The following SNTG2 variants were observed in gnomAD, a reference collection of about 807,000 sequenced individuals.
The protein encoded by SNTG2 is syntrophin gamma 2.
A neutral mutation model predicts 70.9 loss-of-function variants in SNTG2; 74 were observed. The observed-to-expected ratio is 1.04, with a 90% CI of 0.86 to 1.27. SNTG2 has a LOEUF of 1.27. SNTG2 is among the 50% of genes most tolerant of loss of function. The pLI is 0.00. For synonymous variants in SNTG2, 278 were observed against 273.8 expected, an observed-to-expected ratio of 1.02 and a Z score of -0.15; for missense variants, 717 against 690.7, an observed-to-expected ratio of 1.04 and a Z score of -0.43.
chr2:1,297,685 C>T (rs934284296), intron 14 of SNTG2, among the ~76,000 whole-genome samples: 8 of 152,204 alleles, frequency 5.3e-5, no homozygotes, highest in African/African-American at 1.9e-4. Context: ...CAGCCTTTCC[C>T]TGGAAGCATC....
At chr2:1,182,360 CAAAAAAAA>C (rs10587246) in intron 8 of SNTG2, among the ~76,000 whole-genome samples, 1 of 122,058 alleles carries the variant, frequency 8.2e-6, no homozygotes, top group African/African-American at 3.3e-5. Flanking sequence ...TTAAAAATTT[CAAAAAAAA>C]AAAAAAAAAA....
At position 1,018,213 on chromosome 2, in the gene SNTG2, G is replaced by C. The variant is rs537522298; in HGVS notation, c.73-65305G>C. 8.5e-5 allele frequency among the ~76,000 whole-genome samples: 13 copies of C among 152,308 alleles called. No homozygotes were observed. The South Asian group carries it at 1.2e-3, about 15-fold the overall frequency. On this transcript the variant is annotated intron_variant, in intron 1 of 16. Transcript: ENST00000308624. ...AAAATCCCATTAAGGCTGGCTGATTGCTGAAGTGGCTCTTACGTTCTGTTC... is the reference window on the plus strand; with the variant it reads ...AAAATCCCATTAAGGCTGGCTGATTCCTGAAGTGGCTCTTACGTTCTGTTC...
At position 1,060,280 on chromosome 2, in the gene SNTG2, TAAC is replaced by T. The variant is rs931341019; in HGVS notation, c.73-23237_73-23235del. ...AAAGGTTCACTTTCAAGAAATGAAA[TAAC>T]GATACCAGTGTGAACTCAGTTGTTT... On this transcript the variant is annotated intron_variant, in intron 1 of 16. Transcript: ENST00000308624. Among the ~76,000 whole-genome samples, 3 of 152,182 alleles carry T rather than the reference TAAC, an allele frequency of 2.0e-5. No homozygotes were observed. In the East Asian group the frequency reaches 5.8e-4, roughly 29 times the overall value.
At chr2:1,268,868 C>T (rs922319882) in intron 14 of SNTG2, among the ~76,000 whole-genome samples, 2 of 152,124 alleles carry the variant, frequency 1.3e-5, no homozygotes, top group African/African-American at 4.8e-5. Context: ...ACATAAATAC[C>T]GGAGAAGTAG....
chr2:1,217,261 C>T (rs1368495024), intron 9 of SNTG2, among the ~76,000 whole-genome samples: 6 of 152,064 alleles, frequency 3.9e-5, no homozygotes, highest in Admixed American at 1.3e-4. Context: ...GTTACAAGCC[C>T]GTGCACTGGC....
At chr2:1,313,700 C>T (rs10183835) in intron 15 of SNTG2, among the ~76,000 whole-genome samples, 20,821 of 152,076 alleles carry the variant, frequency 0.14, 1,603 homozygotes, top group South Asian at 0.2. Context: ...GGAGCCACCA[C>T]GTCCGGCCAC....
chr2:1,152,665 C>T (rs1669592219), intron 6 of SNTG2, among the ~76,000 whole-genome samples: 1 of 152,216 alleles, frequency 6.6e-6, no homozygotes, highest in African/African-American at 2.4e-5. Context: ...TTCAGGACCT[C>T]AGTCTGCAAA....
At position 1,352,807 on chromosome 2, in the gene SNTG2, G is replaced by A. The variant is rs1660654736; in HGVS notation, c.1489-14536G>A. ...TTTTCTCATTTGAAAAATGAGGACT[G>A]TATCACCTACATTTTATTTTATTTT... On this transcript the variant is annotated intron_variant, in intron 16 of 16. Coordinates refer to ENST00000308624, the MANE Select transcript of SNTG2 (RefSeq NM_018968.4). Among the ~76,000 whole-genome samples, 2 of 152,146 alleles carry A rather than the reference G, an allele frequency of 1.3e-5. 1 individual carries two copies. The highest frequency in any genetic ancestry group is 1.3e-4 in the Admixed American group (2 of 15,284).
chr2:1,183,901 G>A (rs1037987834), intron 8 of SNTG2, among the ~76,000 whole-genome samples: 2 of 152,056 alleles, frequency 1.3e-5, no homozygotes, highest in Admixed American at 6.6e-5. Context: ...CAAATATAAG[G>A]AAAGGTGCTT....
At chr2:1,352,613 A>C (rs550043723) in intron 16 of SNTG2, among the ~76,000 whole-genome samples, 1 of 152,266 alleles carries the variant, frequency 6.6e-6, no homozygotes, top group Non-Finnish European at 1.5e-5. Context: ...AAAGCTTATG[A>C]GTTTATTCTT....
intron 4 of SNTG2, among the ~76,000 whole-genome samples, chr2:1,112,599 CTAAG>C (rs1203042586): frequency 1.4e-5 from 2 of 144,590 alleles, no homozygotes; most frequent in Non-Finnish European, 3.0e-5. Context: ...ATCGTGTGTA[CTAAG>C]TGAGGTTTTA....
chr2:1,071,792 G>A (rs1446546973), intron 1 of SNTG2, among the ~76,000 whole-genome samples: 6 of 152,154 alleles, frequency 3.9e-5, no homozygotes, highest in Admixed American at 1.3e-4. Context: ...ATTAAGAAGC[G>A]CTGCTCCAGT....
intron 1 of SNTG2, among the ~76,000 whole-genome samples, chr2:983,440 G>A (rs1162889231): frequency 6.6e-6 from 1 of 151,770 alleles, no homozygotes; most frequent in East Asian, 1.9e-4. Context: ...CTATCATCAC[G>A]CTCTGATTTA....
At chr2:1,218,579 G>A (rs1209378209) in intron 9 of SNTG2, among the ~76,000 whole-genome samples, 1 of 152,240 alleles carries the variant, frequency 6.6e-6, no homozygotes, top group Non-Finnish European at 1.5e-5. Flanking sequence ...TCAGAAAATA[G>A]AGAGTGAAGA....
intron 1 of SNTG2, among the ~76,000 whole-genome samples, chr2:1,036,386 C>A (rs916977936): frequency 6.6e-6 from 1 of 151,902 alleles, no homozygotes; most frequent in Non-Finnish European, 1.5e-5. Context: ...TAGAAGAATT[C>A]AACTATAATC....
At chr2:1,359,510 CATGAG>C (rs1377678521) in intron 16 of SNTG2, among the ~76,000 whole-genome samples, 1 of 152,128 alleles carries the variant, frequency 6.6e-6, no homozygotes, top group Non-Finnish European at 1.5e-5. Flanking sequence ...CTTTTGTTTG[CATGAG>C]ATATTTTATT....
intron 1 of SNTG2, among the ~76,000 whole-genome samples, chr2:965,362 T>A (rs34033381): frequency 0.095 from 3,929 of 41,242 alleles, 211 homozygotes; most frequent in African/African-American, 0.12. Context: ...CTCCTCCTGG[T>A]CCCCAATCCT....
At chr2:1,015,038 G>T (rs1275823566) in intron 1 of SNTG2, among the ~76,000 whole-genome samples, 1 of 152,118 alleles carries the variant, frequency 6.6e-6, no homozygotes, top group East Asian at 1.9e-4. Context: ...TCCTAAGAAG[G>T]AGTGAAAACC....
chr2:1,222,433 A>C (rs993516886), intron 9 of SNTG2, among the ~76,000 whole-genome samples: 1 of 152,276 alleles, frequency 6.6e-6, no homozygotes, highest in Non-Finnish European at 1.5e-5. Flanking sequence ...GTTTGTGATG[A>C]AAATGAACAG....
Sources: gnomAD v4.1 joint callset for allele counts (sites outside exome capture counted in the v4.1 genomes callset) on GRCh38, gnomAD v4.1.1 for gene constraint, MANE v1.5 for transcripts, NCBI Gene and HGNC (gene_info 2026-07-23, HGNC 2026-07-21) for gene names.